VNN2: variants seen among roughly 807,000 people sequenced by gnomAD.
VNN2 encodes the protein pantetheine hydrolase VNN2.
VNN2 carries 43 observed loss-of-function variants against 43.0 expected under a neutral mutation model. The ratio of observed to expected loss-of-function variants is 1.00; its 90% CI spans 0.78 to 1.29. The LOEUF is 1.29. Ranked by LOEUF, VNN2 falls within the 50% of genes most tolerant of loss-of-function variation. The pLI is 0.00. For synonymous variants in VNN2, 230 were observed against 224.3 expected, an observed-to-expected ratio of 1.03 and a Z score of -0.23; for missense variants, 652 against 619.7, an observed-to-expected ratio of 1.05 and a Z score of -0.55.
chr6:132,751,599 G>A, intron 4 of VNN2, 81 bp from the exon 5 acceptor site: 4 of 1,506,878 alleles, frequency 2.7e-6, no homozygotes, highest in South Asian at 1.3e-5. Context: ...TCAGAATTGG[G>A]CATGTGATCA....
At chr6:132,756,141 A>G (rs754550542) in intron 2 of VNN2, 106 bp from the exon 3 acceptor site, 1 of 1,077,512 alleles carries the variant, frequency 9.3e-7, no homozygotes, top group Non-Finnish European at 1.3e-6. Flanking sequence ...TTAAGTTAAT[A>G]CAAAAACTAT....
intron 6 of VNN2, among the ~76,000 whole-genome samples, chr6:132,748,709 G>T (rs539183239): frequency 6.6e-6 from 1 of 152,366 alleles, no homozygotes; most frequent in East Asian, 1.9e-4. Flanking sequence ...TAAGCCTGCA[G>T]AGTCATAATT....
At chr6:132,758,492 C>T (rs527979213), upstream of VNN2, among the ~76,000 whole-genome samples, 102 of 152,128 alleles carry the variant, frequency 6.7e-4, no homozygotes, top group South Asian at 2.1e-3. Flanking sequence ...AAAAGACACC[C>T]GAATTCAAAT....
chr6:132,758,043 T>TCTTCTTCTTC (rs374005582), upstream of VNN2: 10 of 358,612 alleles, frequency 2.8e-5, no homozygotes, highest in African/African-American at 2.3e-4. Context: ...CTTCTTCTTT[T>TCTTCTTCTTC]TTTTTTTTTT....
At chr6:132,758,018 C>CTTTTTTATTT (rs1332482113), upstream of VNN2, 2 of 159,866 alleles carry the variant, frequency 1.3e-5, no homozygotes, top group Non-Finnish European at 9.8e-6. Context: ...TCTTCTTCTT[C>CTTTTTTATTT]TTCTTCTTCT....
intron 6 of VNN2, among the ~76,000 whole-genome samples, chr6:132,748,147 G>A (rs62425099): frequency 0.012 from 1,821 of 152,284 alleles, 20 homozygotes; most frequent in Non-Finnish European, 0.02. Flanking sequence ...GTTTACCTTG[G>A]TGACCCTGAT....
upstream of VNN2, among the ~76,000 whole-genome samples, chr6:132,761,371 A>G (rs534884089): frequency 2.0e-5 from 3 of 150,140 alleles, no homozygotes; most frequent in Non-Finnish European, 4.4e-5. Context: ...AAAAAAAAAC[A>G]GTATTGGGGT....
At chr6:132,761,355 T>TTA (rs1562256488), upstream of VNN2, among the ~76,000 whole-genome samples, 3 of 137,188 alleles carry the variant, frequency 2.2e-5, no homozygotes, top group African/African-American at 7.9e-5. Flanking sequence ...AGAGTCACCA[T>TTA]AAAAAAAAAA....
Position 132,744,426 on chromosome 6 carries a change from G to C in VNN2, c.1437C>G (p.Leu479=). ...GSSGPILTVS[L]FGRWYTKDSL... is the part of the protein sequence containing the mutation. The stretch of plus-strand genomic sequence containing the variant: ...AGTCCTTTGTGTACCACCTCCCAAA[G>C]AGTGACACTGTTAGTATAGGCCCAG... Residue 479 remains leucine, a synonymous_variant, in exon 7 of 7, where the codon CTC becomes CTG. Transcript: ENST00000326499. The C allele has an allele frequency of 3.7e-6, 6 of 1,613,576 alleles. No individual in the cohort carries two copies. Among genetic ancestry groups the C allele is most frequent in the Non-Finnish European group, 5.1e-6 (6 of 1,179,802 alleles).
chr6:132,758,961 TCTCCTTCTCCTCCTA>T (rs34094382), upstream of VNN2, among the ~76,000 whole-genome samples: 2,395 of 151,712 alleles, frequency 0.016, 71 homozygotes, highest in African/African-American at 0.055. Flanking sequence ...TCCCCCTACT[TCTCCTTCTCCTCCTA>T]CTCCTTCTCC....
At chr6:132,751,666 C>T (rs1780114592) in intron 4 of VNN2, 148 bp from the exon 5 acceptor site, 2 of 859,378 alleles carry the variant, frequency 2.3e-6, no homozygotes, top group East Asian at 2.6e-5. Context: ...CACTGAACAC[C>T]TAACTACTTC....
At position 132,744,270 on chromosome 6, in the gene VNN2, G is replaced by C; in HGVS notation, c.*30C>G. 1.3e-5 allele frequency: 21 copies of C among 1,573,048 alleles called. No homozygotes were observed. Among genetic ancestry groups the C allele is most frequent in the Non-Finnish European group, 1.8e-5 (21 of 1,163,252 alleles). On this transcript the variant is annotated 3_prime_UTR_variant, in exon 7 of 7. Transcript: ENST00000326499. ...GATAAACACATTCAGCCAAGCATAT[G>C]ATGCAGAAGCTGAGTGATAAAGAGA...
At chr6:132,755,213 C>T (rs974661072) in intron 3 of VNN2, among the ~76,000 whole-genome samples, 6 of 150,802 alleles carry the variant, frequency 4.0e-5, no homozygotes, top group Admixed American at 3.3e-4. Flanking sequence ...ATTATAGTCA[C>T]CTTAGTATCT....
chr6:132,762,850 A>G (rs1476254856), upstream of VNN2, among the ~76,000 whole-genome samples: 2 of 152,222 alleles, frequency 1.3e-5, no homozygotes, highest in Non-Finnish European at 2.9e-5. Flanking sequence ...TGGTTCAACC[A>G]ACATGTCTGT....
intron 2 of VNN2, among the ~76,000 whole-genome samples, 155 bp from the exon 3 acceptor site, chr6:132,756,190 T>C (rs1264054175): frequency 1.3e-5 from 2 of 152,238 alleles, no homozygotes; most frequent in African/African-American, 2.4e-5. Context: ...CAGATGATTA[T>C]ACACTTGATG....
rs1244252530 is a variant in VNN2, at chr6:132,752,671, A to G, written c.616T>C (p.Phe206Leu). 2.5e-6 allele frequency: 4 copies of G among 1,614,086 alleles called. No homozygotes were observed. The highest frequency in any genetic ancestry group is 3.4e-6 in the Non-Finnish European group (4 of 1,180,038). Reference protein sequence around the residue: ...LVTFNTAFGRFGIFTCFDIFF... With the variant: ...LVTFNTAFGRLGIFTCFDIFF... The stretch of plus-strand genomic sequence containing the variant: ...ATATCAAAGCACGTGAAAATGCCAA[A>G]CCTTCCAAATGCGGTGTTGAAAGTC... The change falls in exon 4 of 7, where the codon TTT becomes CTT. Residue 206 changes from phenylalanine to leucine, a missense_variant. Phe to Leu is a conservative substitution (Grantham distance 22). Transcript: ENST00000326499.
intron 3 of VNN2, among the ~76,000 whole-genome samples, chr6:132,755,629 C>A (rs1484133688): frequency 6.6e-6 from 1 of 152,088 alleles, no homozygotes; most frequent in Non-Finnish European, 1.5e-5. Context: ...CCTGCCTCAG[C>A]CTCCCAAAGT....
intron 3 of VNN2, among the ~76,000 whole-genome samples, chr6:132,755,581 G>C (rs780956641): frequency 6.6e-6 from 1 of 151,784 alleles, no homozygotes; most frequent in Non-Finnish European, 1.5e-5. Flanking sequence ...CACAATGTTG[G>C]CCAGACTGGT....
At chr6:132,755,084 C>A (rs901533574) in intron 3 of VNN2, among the ~76,000 whole-genome samples, 3 of 152,098 alleles carry the variant, frequency 2.0e-5, no homozygotes, top group African/African-American at 7.2e-5. Flanking sequence ...GCAGGAGGAT[C>A]ACTAGAGCCC....
Sources: gnomAD v4.1 joint callset for allele counts (sites outside exome capture counted in the v4.1 genomes callset) on GRCh38, gnomAD v4.1.1 for gene constraint, MANE v1.5 for transcripts, NCBI Gene and HGNC (gene_info 2026-07-23, HGNC 2026-07-21) for gene names.